Variants in EPB41L3 observed in about 807,000 individuals in gnomAD.
EPB41L3 encodes band 4.1-like protein 3.
Under a neutral mutation model 127.1 loss-of-function variants are expected in EPB41L3, and 57 were observed. The observed-to-expected ratio is 0.45, with a 90% CI of 0.36 to 0.56. The LOEUF (loss-of-function observed/expected upper bound fraction) is 0.56. Among genes scored for constraint, EPB41L3 ranks in the 20% least tolerant of loss-of-function variants. EPB41L3 has a pLI of 0.00. For missense variants in EPB41L3, 1,273 were observed against 1,372.2 expected (o/e 0.93, Z 1.14); for synonymous variants, 572 against 549.5 (o/e 1.04, Z -0.57).
intron 1 of EPB41L3, among the ~76,000 whole-genome samples, chr18:5,505,639 T>A (rs376995874): frequency 4.8e-5 from 6 of 124,058 alleles, no homozygotes; most frequent in African/African-American, 1.9e-4. Flanking sequence ...CACCTTCACC[T>A]CCACCCCTAC....
At chr18:5,473,841 T>A (rs1035045313) in intron 3 of EPB41L3, among the ~76,000 whole-genome samples, 1 of 151,994 alleles carries the variant, frequency 6.6e-6, no homozygotes, top group Non-Finnish European at 1.5e-5. Flanking sequence ...TCTGGCAGAG[T>A]GTAAATATTT....
chr18:5,436,631 A>G (rs1427567490), intron 6 of EPB41L3, among the ~76,000 whole-genome samples: 3 of 151,744 alleles, frequency 2.0e-5, no homozygotes, highest in Admixed American at 2.0e-4. Context: ...GATGGTCTTG[A>G]TCTCCTGACC....
At chr18:5,519,743 A>G (rs2092910067) in intron 1 of EPB41L3, among the ~76,000 whole-genome samples, 1 of 152,194 alleles carries the variant, frequency 6.6e-6, no homozygotes, top group Admixed American at 6.5e-5. Flanking sequence ...AGCGTGCAGG[A>G]CAGTCTTTGT....
chr18:5,616,168 G>A (rs1163357021), intron 1 of EPB41L3, among the ~76,000 whole-genome samples: 1 of 151,932 alleles, frequency 6.6e-6, no homozygotes, highest in African/African-American at 2.4e-5. Flanking sequence ...TGTTACCCCG[G>A]CTCCTGCACA....
rs2075437506 is a variant in EPB41L3 at position 5,406,682 on chromosome 18, T to G, written c.2349+95A>C. Reference sequence around the variant, plus strand: ...TAAACATAGGTAGGAAGAGAGATTTTCTACCCAGAAGACTGTCAAATGCAA... The same window carrying G: ...TAAACATAGGTAGGAAGAGAGATTTGCTACCCAGAAGACTGTCAAATGCAA... On this transcript the variant is annotated intron_variant, in intron 16 of 22. Transcript: ENST00000341928. The G allele has an allele frequency of 2.6e-6, 3 of 1,145,894 alleles. No individual in the cohort carries two copies. In the Admixed American group the frequency reaches 7.4e-5, roughly 28 times the overall value. The allele number at this position is 1,145,894 out of a possible 1,614,324, so 71.0% of individuals were successfully genotyped here.
chr18:5,467,732 T>TA (rs1267976275), intron 3 of EPB41L3, among the ~76,000 whole-genome samples: 3 of 152,246 alleles, frequency 2.0e-5, no homozygotes, highest in African/African-American at 7.2e-5. Context: ...CTCAGCTTCA[T>TA]AAACTGTGAA....
chr18:5,488,929 A>T, intron 2 of EPB41L3, 72 bp downstream of exon 2: 1 of 1,476,366 alleles, frequency 6.8e-7, no homozygotes, highest in Non-Finnish European at 8.9e-7. Context: ...TAGGGCTAAG[A>T]GACCAAGGTT....
At chr18:5,425,486 C>A (rs2078046079) in intron 9 of EPB41L3, among the ~76,000 whole-genome samples, 1 of 152,134 alleles carries the variant, frequency 6.6e-6, no homozygotes, top group Non-Finnish European at 1.5e-5. Flanking sequence ...ACATATTACG[C>A]CAATGCCAGG....
At chr18:5,469,827 G>A (rs2085778614) in intron 3 of EPB41L3, among the ~76,000 whole-genome samples, 1 of 149,518 alleles carries the variant, frequency 6.7e-6, no homozygotes, top group African/African-American at 2.5e-5. Context: ...AGGCTGGAGT[G>A]CACTGGCGCA....
At chr18:5,527,409 G>T (rs1355339350) in intron 1 of EPB41L3, among the ~76,000 whole-genome samples, 1 of 152,118 alleles carries the variant, frequency 6.6e-6, no homozygotes, top group East Asian at 1.9e-4. Context: ...TAAAGACTGA[G>T]CTGCAATTTT....
At chr18:5,475,496 C>T (rs1465336771) in intron 3 of EPB41L3, among the ~76,000 whole-genome samples, 1 of 152,208 alleles carries the variant, frequency 6.6e-6, no homozygotes, top group East Asian at 1.9e-4. Flanking sequence ...GGCTCGCTGC[C>T]TTCTGCAAAC....
chr18:5,445,062 C>T, intron 4 of EPB41L3, 78 bp downstream of exon 4: 1 of 1,019,088 alleles, frequency 9.8e-7, no homozygotes, highest in Non-Finnish European at 1.5e-6. Flanking sequence ...AGTGATCCAC[C>T]CATTCAGTTT....
intron 3 of EPB41L3, among the ~76,000 whole-genome samples, chr18:5,574,943 C>A (rs148855201): frequency 6.6e-6 from 1 of 152,294 alleles, no homozygotes; most frequent in East Asian, 1.9e-4. Context: ...CCTGACACAG[C>A]TCTCACAGCA....
chr18:5,395,060 A>G lies in EPB41L3; in HGVS notation c.3153+7T>C, dbSNP rs765580895. ...TGCCAGGGTATTTACCGTCTCACAC[A>G]CACTACCTGGTCATGGTCAATGTCT... On this transcript the variant is annotated splice_region_variant and intron_variant, in intron 21 of 22. Coordinates refer to ENST00000341928, the MANE Select transcript of EPB41L3 (RefSeq NM_012307.5). The G allele has an allele frequency of 5.0e-6, 8 of 1,613,690 alleles. No individual in the cohort carries two copies. The highest frequency in any genetic ancestry group is 2.2e-5 in the South Asian group (2 of 91,086).
At chr18:5,559,605 A>G (rs1041988720) in intron 3 of EPB41L3, among the ~76,000 whole-genome samples, 2 of 152,228 alleles carry the variant, frequency 1.3e-5, no homozygotes, top group African/African-American at 4.8e-5. Context: ...CTAAACGAAA[A>G]TATCTTCTGA....
chr18:5,410,404 G>C (rs571324226), intron 14 of EPB41L3, among the ~76,000 whole-genome samples, 162 bp downstream of exon 14: 17 of 152,276 alleles, frequency 1.1e-4, no homozygotes, highest in African/African-American at 3.8e-4. Flanking sequence ...CAGAGTTTAA[G>C]AACCACTGGT....
chr18:5,511,709 C>T (rs2092535948), intron 1 of EPB41L3, among the ~76,000 whole-genome samples: 1 of 151,716 alleles, frequency 6.6e-6, no homozygotes, highest in Admixed American at 6.6e-5. Context: ...AGAGGTGATC[C>T]CCAGTGCTTA....
At chr18:5,586,202 C>A (rs185247728) in intron 3 of EPB41L3, among the ~76,000 whole-genome samples, 6 of 152,222 alleles carry the variant, frequency 3.9e-5, no homozygotes, top group African/African-American at 1.2e-4. Flanking sequence ...AAAATTTGTT[C>A]CTTACTTCAA....
intron 3 of EPB41L3, among the ~76,000 whole-genome samples, chr18:5,599,788 A>G (rs1599222745): frequency 1.3e-5 from 2 of 152,242 alleles, no homozygotes; most frequent in East Asian, 3.9e-4. Context: ...CAGAATGATG[A>G]GCCAATTAAA....
Sources: allele counts gnomAD v4.1 joint callset (sites outside exome capture counted in the v4.1 genomes callset), GRCh38; gene constraint gnomAD v4.1.1; transcripts MANE v1.5; gene names NCBI Gene and HGNC (gene_info 2026-07-23, HGNC 2026-07-21).